The following TNFSF4 variants were observed in gnomAD, a reference collection of about 807,000 sequenced individuals.
TNFSF4 encodes the protein tumor necrosis factor ligand superfamily member 4.
TNFSF4 carries 4 observed loss-of-function variants against 7.3 expected under a neutral mutation model. The observed-to-expected ratio is 0.55, with a 90% CI of 0.27 to 1.25. The LOEUF is 1.25. Among genes scored for constraint, TNFSF4 ranks in the 50% most tolerant of loss-of-function variants. The probability of loss-of-function intolerance (pLI) is 0.12; values close to 1 mark genes in which losing one functional copy is unlikely to be tolerated. For missense variants in TNFSF4, 181 were observed against 208.8 expected (o/e 0.87, Z 0.82); for synonymous variants, 76 against 83.7 (o/e 0.91, Z 0.50).
At chr1:173,356,594 A>T in the TNFSF4 span, among the ~76,000 whole-genome samples, 2 of 151,910 alleles carry the variant, frequency 1.3e-5, no homozygotes, top group African/African-American at 4.8e-5. Flanking sequence ...TTTGCATTAT[A>T]CTCCTTCCAG....
chr1:173,203,983 T>C (rs933574843), intron 1 of TNFSF4, among the ~76,000 whole-genome samples: 4 of 152,238 alleles, frequency 2.6e-5, no homozygotes, highest in Admixed American at 2.0e-4. Context: ...ATATACCTTA[T>C]GTCATGAATA....
the TNFSF4 span, among the ~76,000 whole-genome samples, chr1:173,288,277 A>T: frequency 1.3e-5 from 2 of 152,078 alleles, no homozygotes; most frequent in Non-Finnish European, 2.9e-5. Context: ...ACATGGCAAA[A>T]CTGCATCCCT....
chr1:173,374,381 G>A, the TNFSF4 span, among the ~76,000 whole-genome samples: 1 of 152,020 alleles, frequency 6.6e-6, no homozygotes, highest in South Asian at 2.1e-4. Flanking sequence ...GACCATACTC[G>A]GTAATCCTCT....
At chr1:173,389,579 G>A in the TNFSF4 span, among the ~76,000 whole-genome samples, 3 of 151,980 alleles carry the variant, frequency 2.0e-5, no homozygotes, top group African/African-American at 4.8e-5. Flanking sequence ...AATATAGCAC[G>A]GATCAGAACA....
the TNFSF4 span, among the ~76,000 whole-genome samples, chr1:173,443,663 C>A: frequency 6.6e-6 from 1 of 152,148 alleles, no homozygotes; most frequent in Non-Finnish European, 1.5e-5. Context: ...CGTAAAGTCA[C>A]CCCTAATTCT....
At chr1:173,358,114 G>A in the TNFSF4 span, among the ~76,000 whole-genome samples, 1 of 152,210 alleles carries the variant, frequency 6.6e-6, no homozygotes, top group Non-Finnish European at 1.5e-5. Flanking sequence ...GAGAAAAGTA[G>A]GAGAGTCAGA....
the TNFSF4 span, among the ~76,000 whole-genome samples, chr1:173,404,484 T>C: frequency 1.3e-5 from 2 of 152,210 alleles, no homozygotes; most frequent in African/African-American, 4.8e-5. Context: ...AAATGTATCA[T>C]TTTGTTAATC....
At chr1:173,321,658 G>A in the TNFSF4 span, among the ~76,000 whole-genome samples, 7 of 151,840 alleles carry the variant, frequency 4.6e-5, no homozygotes, top group Non-Finnish European at 1.0e-4. Flanking sequence ...AGTGGGCAAA[G>A]GATATCAACA....
the TNFSF4 span, among the ~76,000 whole-genome samples, chr1:173,365,244 T>G: frequency 6.6e-6 from 1 of 152,234 alleles, no homozygotes; most frequent in Non-Finnish European, 1.5e-5. Flanking sequence ...AGAATACATT[T>G]CTATAATACT....
the TNFSF4 span, among the ~76,000 whole-genome samples, chr1:173,301,513 A>AT: frequency 6.6e-6 from 1 of 151,914 alleles, no homozygotes; most frequent in Non-Finnish European, 1.5e-5. Flanking sequence ...AGCTATTAGT[A>AT]TTAACTATTA....
At chr1:173,200,224 T>G (rs1223330479) in intron 1 of TNFSF4, among the ~76,000 whole-genome samples, 1 of 152,228 alleles carries the variant, frequency 6.6e-6, no homozygotes, top group Admixed American at 6.5e-5. Context: ...GACTGGAATT[T>G]AGACTGAGTC....
At chr1:173,234,218 C>G in the TNFSF4 span, among the ~76,000 whole-genome samples, 1 of 152,176 alleles carries the variant, frequency 6.6e-6, no homozygotes, top group African/African-American at 2.4e-5. Flanking sequence ...CACTGGCCAT[C>G]AGAGAAGTGC....
the TNFSF4 span, among the ~76,000 whole-genome samples, chr1:173,301,115 G>T: frequency 6.6e-6 from 1 of 151,824 alleles, no homozygotes; most frequent in African/African-American, 2.4e-5. Context: ...GAATTCCAAG[G>T]TTGCTTTCCA....
chr1:173,258,000 A>C, the TNFSF4 span, among the ~76,000 whole-genome samples: 1 of 152,180 alleles, frequency 6.6e-6, no homozygotes, highest in Non-Finnish European at 1.5e-5. Flanking sequence ...GAGTCAAAGT[A>C]AGTCAGCTTG....
chr1:173,409,537 C>G, the TNFSF4 span, among the ~76,000 whole-genome samples: 1 of 152,050 alleles, frequency 6.6e-6, no homozygotes, highest in African/African-American at 2.4e-5. Context: ...CTATTCTTGC[C>G]AGTTTTCTTT....
the TNFSF4 span, among the ~76,000 whole-genome samples, chr1:173,449,341 CTTT>C: frequency 9.0e-6 from 1 of 111,246 alleles, no homozygotes; most frequent in East Asian, 3.8e-4. Context: ...CTCTTTTCTT[CTTT>C]CTTTCTTTTT....
At chr1:173,220,880 G>A in the TNFSF4 span, among the ~76,000 whole-genome samples, 1 of 152,058 alleles carries the variant, frequency 6.6e-6, no homozygotes, top group African/African-American at 2.4e-5. Context: ...GTTAAATGCT[G>A]TGACCCACAT....
At chr1:173,317,862 TTGAAAAGTTATCTC>T in the TNFSF4 span, among the ~76,000 whole-genome samples, 4 of 152,214 alleles carry the variant, frequency 2.6e-5, no homozygotes, top group Non-Finnish European at 5.9e-5. Context: ...TTATAGTGTT[TTGAAAAGTTATCTC>T]TGAAAAGTAA....
the TNFSF4 span, among the ~76,000 whole-genome samples, chr1:173,437,391 A>C: frequency 6.6e-6 from 1 of 152,064 alleles, no homozygotes; most frequent in Admixed American, 6.6e-5. Context: ...CTTATTATTA[A>C]TTATTTGCTT....
Sources: gnomAD v4.1 joint callset for allele counts (sites outside exome capture counted in the v4.1 genomes callset) on GRCh38, gnomAD v4.1.1 for gene constraint, MANE v1.5 for transcripts, NCBI Gene and HGNC (gene_info 2026-07-23, HGNC 2026-07-21) for gene names.